Variants in FCHO1 observed in about 807,000 individuals in gnomAD.
The protein encoded by FCHO1 is F-BAR domain only protein 1.
A neutral mutation model predicts 114.4 loss-of-function variants in FCHO1; 45 were observed. The observed-to-expected ratio is 0.39, with a 90% confidence interval of 0.31 to 0.50. The LOEUF is 0.50. Ranked by LOEUF, FCHO1 falls within the 20% of genes least tolerant of loss-of-function variation. The pLI, the probability that FCHO1 is intolerant of heterozygous loss-of-function variation, is 0.77. For synonymous variants in FCHO1, 480 were observed against 488.9 expected (o/e 0.98, Z 0.24); for missense variants, 1,042 against 1,209.6 (o/e 0.86, Z 2.06).
At chr19:17,770,610 T>C (rs766676105) in intron 8 of FCHO1, 33 bp downstream of exon 8, 2 of 1,598,744 alleles carry the variant, frequency 1.3e-6, no homozygotes, top group East Asian at 2.2e-5. Context: ...CTGAGGAATT[T>C]GCCGCGGGGC....
At position 17,772,707 on chromosome 19, in the gene FCHO1, T is replaced by G; in HGVS notation, c.756T>G (p.Phe252Leu). The G allele has an allele frequency of 6.2e-7, 1 of 1,614,098 alleles. No individual in the cohort carries two copies. The highest frequency in any genetic ancestry group is 8.5e-7 in the Non-Finnish European group (1 of 1,180,020). Reference sequence around the variant, plus strand: ...GCGTGGAGATGCTACTCAGGAAGTTTGCAGAGAGTAAGGGCACAGGCCGGG... The same window carrying G: ...GCGTGGAGATGCTACTCAGGAAGTTGGCAGAGAGTAAGGGCACAGGCCGGG... ...NVSVEMLLRK[F>L]AESKGTGREK... Residue 252 changes from phenylalanine (F) to leucine (L), a missense_variant, in exon 11 of 29, where the codon TTT becomes TTG. Around this residue, in one of 3 missense-constraint regions of FCHO1, gnomAD observed 450 missense variants for 564.1 expected, o/e 0.80. Transcript: ENST00000596536.
At chr19:17,756,831 G>A (rs957600695) in intron 4 of FCHO1, among the ~76,000 whole-genome samples, 53 of 152,206 alleles carry the variant, frequency 3.5e-4, no homozygotes, top group African/African-American at 1.2e-3. Flanking sequence ...GAAGCATGAA[G>A]TGTACTAGGG....
intron 23 of FCHO1, among the ~76,000 whole-genome samples, chr19:17,782,504 A>G (rs2093514723): frequency 6.6e-6 from 1 of 152,132 alleles, no homozygotes; most frequent in Non-Finnish European, 1.5e-5. Flanking sequence ...GTGCCCAGCC[A>G]TAGGAGAGCA....
At chr19:17,767,737 A>G (rs886876777) in intron 7 of FCHO1, among the ~76,000 whole-genome samples, 9 of 149,486 alleles carry the variant, frequency 6.0e-5, no homozygotes, top group African/African-American at 2.0e-4. Context: ...AGCCATGCCC[A>G]TTGATGTGCC....
Position 17,774,445 on chromosome 19 carries a change from G to A in FCHO1, c.887G>A (p.Arg296Gln), listed in dbSNP as rs530821806. Reference sequence around the variant, plus strand: ...GCCTTTCGCCTTCCAGGACTAAGCCGGCGGGAGCGGGAGCCAGAGCCACCT... The same window carrying A: ...GCCTTTCGCCTTCCAGGACTAAGCCAGCGGGAGCGGGAGCCAGAGCCACCT... ...AKAFRLPGLS[R>Q]REREPEPPAA... is the part of the protein sequence containing the mutation. The change falls in exon 13 of 29, where the codon CGG (arginine) becomes CAG (glutamine). Residue 296 changes from arginine (R) to glutamine (Q), a missense_variant. Arg to Gln is a conservative substitution (Grantham distance 43). This residue lies in a region of FCHO1 where 450 missense variants were observed against 564.1 expected (regional missense o/e 0.80). Transcript: ENST00000596536. 12 of 1,613,676 alleles carry A rather than the reference G, an allele frequency of 7.4e-6. No individual in the cohort carries two copies. The highest frequency in any genetic ancestry group is 6.7e-5 in the East Asian group (3 of 44,886).
In FCHO1 at chr19:17,776,813, G is replaced by T; in HGVS notation, c.1259+127G>T. The T allele has an allele frequency of 2.2e-6, 2 of 914,006 alleles. No homozygotes were observed. Among genetic ancestry groups the T allele is most frequent in the South Asian group, 1.6e-5 (1 of 60,692 alleles). 56.6% of individuals were successfully genotyped at this position (914,006 alleles called of 1,614,324 possible). A position where few individuals can be genotyped will look rare whatever the true frequency, so the allele number is the denominator to read the frequency against. ...GTCATGCTGGGGTTTTTTTGTTTTT[G>T]TTTTTGTTTTGAGACAGAGTCTCAC... On this transcript the variant is annotated intron_variant, in intron 18 of 28. Coordinates refer to ENST00000596536, the MANE Select transcript of FCHO1 (RefSeq NM_015122.3). This position sits in a 1 kb window ranked among gnomAD's most constrained non-coding sequence, Gnocchi z 4.4.
chr19:17,763,978 T>C (rs571603619), intron 5 of FCHO1, among the ~76,000 whole-genome samples: 6 of 152,120 alleles, frequency 3.9e-5, no homozygotes, highest in African/African-American at 7.2e-5. Context: ...CTAAGGTGTT[T>C]GAGATGGGGA....
At position 17,784,994 on chromosome 19, in the gene FCHO1, C is replaced by G; in HGVS notation, c.2426+70C>G. On this transcript the variant is annotated intron_variant, in intron 26 of 28. Coordinates refer to ENST00000596536, the MANE Select transcript of FCHO1 (RefSeq NM_015122.3). The surrounding 1 kb of genome is among the most constrained non-coding windows in gnomAD (Gnocchi z 5.3). ...ATAACCCCAGACCTTCTCCCTGATG[C>G]ATTGATTAAAGGGTGCACCCTCGGC... The G allele has an allele frequency of 6.7e-7, 1 of 1,485,242 alleles. No individual in the cohort carries two copies. Among genetic ancestry groups the G allele is most frequent in the Middle Eastern group, 2.3e-4 (1 of 4,338 alleles). 92.0% of individuals were successfully genotyped at this position (1,485,242 alleles called of 1,614,324 possible).
chr19:17,752,425 ATTTTTATAT>A (rs2082208446), intron 1 of FCHO1: 1 of 150,634 alleles, frequency 6.6e-6, no homozygotes, highest in Non-Finnish European at 1.5e-5. Flanking sequence ...CGCCCTGCTG[ATTTTTATAT>A]TTTTTGGTAG....
rs900124339 is a variant in FCHO1, at chr19:17,762,864, C to T, written c.119+11C>T. On this transcript the variant is annotated intron_variant, in intron 5 of 28. Coordinates refer to ENST00000596536, the MANE Select transcript of FCHO1 (RefSeq NM_015122.3). ...CTTCATCCGGGAGAGGTGAGGTCCCCAAGCCCCATCCACCAGAGGCCACGC... is the reference window on the plus strand; with the variant it reads ...CTTCATCCGGGAGAGGTGAGGTCCCTAAGCCCCATCCACCAGAGGCCACGC... 1.9e-6 allele frequency: 3 copies of T among 1,591,088 alleles called. No individual in the cohort carries two copies. Among genetic ancestry groups the T allele is most frequent in the Middle Eastern group, 3.5e-4 (2 of 5,716 alleles).
Position 17,766,690 on chromosome 19 carries a change from G to C in FCHO1, c.216G>C (p.Glu72Asp). The C allele has an allele frequency of 6.2e-7, 1 of 1,614,186 alleles. No homozygotes were observed. The highest frequency in any genetic ancestry group is 8.5e-7 in the Non-Finnish European group (1 of 1,180,038). ...CCAGGACCTTCGCCCCGCTCTGGGAGGTCTTCCGCGTCTCCTCGGACAAGC... is the reference window on the plus strand; with the variant it reads ...CCAGGACCTTCGCCCCGCTCTGGGACGTCTTCCGCGTCTCCTCGGACAAGC... ...TPMGTFAPLW[E>D]VFRVSSDKLA... The change falls in exon 7 of 29, where the codon GAG becomes GAC. Residue 72 changes from glutamate (E) to aspartate (D), a missense_variant. Glu to Asp is a conservative substitution (Grantham distance 45, BLOSUM62 2). Around this residue, in one of 3 missense-constraint regions of FCHO1, gnomAD observed 450 missense variants for 564.1 expected, o/e 0.80. Coordinates refer to ENST00000596536, the MANE Select transcript of FCHO1 (RefSeq NM_015122.3).
chr19:17,768,873 G>A (rs1005398986), intron 7 of FCHO1, among the ~76,000 whole-genome samples: 1 of 151,998 alleles, frequency 6.6e-6, no homozygotes, highest in African/African-American at 2.4e-5. Context: ...GGCCAGGCGT[G>A]GTGTGCATGC....
At chr19:17,772,100 C>T (rs1341386914) in intron 9 of FCHO1, among the ~76,000 whole-genome samples, 1 of 152,114 alleles carries the variant, frequency 6.6e-6, no homozygotes, top group African/African-American at 2.4e-5. Context: ...CATGATACAC[C>T]ACAGCTGACC....
At chr19:17,762,728 A>G in intron 4 of FCHO1, 34 bp from the exon 5 acceptor site, 1 of 1,491,938 alleles carries the variant, frequency 6.7e-7, no homozygotes, top group Non-Finnish European at 9.4e-7. Context: ...TGTTCTCTCC[A>G]TCCTTTCTCA....
chr19:17,781,135 C>T (rs1320483796), intron 20 of FCHO1, 96 bp from the exon 21 acceptor site: 1 of 824,426 alleles, frequency 1.2e-6, no homozygotes, highest in Non-Finnish European at 2.0e-6. Flanking sequence ...TGCAGAAAAG[C>T]CCACCTCCTA....
Position 17,762,312 on chromosome 19 carries a change from A to G in FCHO1, c.28-450A>G, listed in dbSNP as rs186583818. Among the ~76,000 whole-genome samples the G allele has an allele frequency of 3.8e-3, 568 of 150,480 alleles. 3 individuals are homozygous for G. Among genetic ancestry groups the G allele is most frequent in the African/African-American group, 0.013 (515 of 40,788 alleles). On this transcript the variant is annotated intron_variant, in intron 4 of 28. Transcript: ENST00000596536. ...AACACACTTTTTTTTTTTTTTAAAT[A>G]TAAAAGCCCTCTGGTTCAGCTTCTT...
upstream of FCHO1, among the ~76,000 whole-genome samples, chr19:17,750,376 T>G (rs1439316816): frequency 6.6e-6 from 1 of 152,154 alleles, no homozygotes; most frequent in Non-Finnish European, 1.5e-5. Flanking sequence ...GGGAAAAAAA[T>G]GAACTCTTGG....
intron 7 of FCHO1, among the ~76,000 whole-genome samples, chr19:17,768,644 A>C (rs1381568353): frequency 2.0e-5 from 3 of 151,262 alleles, no homozygotes. Context: ...CAGTCAGTTG[A>C]GATCGCGACA....
At chr19:17,768,213 T>C (rs78408441) in intron 7 of FCHO1, among the ~76,000 whole-genome samples, 66,226 of 151,912 alleles carry the variant, frequency 0.44, 15,353 homozygotes, top group East Asian at 0.71. Context: ...GGATTACAGG[T>C]GTGCTGGTGC....
Sources: gnomAD v4.1 joint callset for allele counts (sites outside exome capture counted in the v4.1 genomes callset) on GRCh38, gnomAD v4.1.1 for gene constraint, gnomAD v4.1.1 regional missense constraint, Gnocchi (gnomAD v3.1) non-coding constraint, MANE v1.5 for transcripts, NCBI Gene and HGNC (gene_info 2026-07-23, HGNC 2026-07-21) for gene names.